Variants in OPRK1 observed in about 807,000 individuals in gnomAD.
The protein encoded by OPRK1 is opioid receptor kappa 1, also known as kappa-type opioid receptor.
OPRK1 carries 15 observed loss-of-function variants against 24.5 expected under a neutral mutation model. The observed-to-expected ratio is 0.61, with a 90% confidence interval of 0.41 to 0.94. OPRK1 has a LOEUF of 0.94. Among genes scored for constraint, OPRK1 ranks in the 40% least tolerant of loss-of-function variants. The pLI is 0.00. For missense variants in OPRK1, 479 were observed against 507.3 expected, an observed-to-expected ratio of 0.94 and a Z score of 0.54; for synonymous variants, 205 against 198.0, an observed-to-expected ratio of 1.04 and a Z score of -0.30.
intron 2 of OPRK1, among the ~76,000 whole-genome samples, chr8:53,246,722 A>C (rs1290461930): frequency 6.6e-6 from 1 of 152,178 alleles, no homozygotes; most frequent in African/African-American, 2.4e-5. Flanking sequence ...GTAGAGAAGC[A>C]GTGTTCCTGA....
chr8:53,242,207 G>A (rs1355673735), intron 2 of OPRK1, among the ~76,000 whole-genome samples: 6 of 152,184 alleles, frequency 3.9e-5, no homozygotes, highest in South Asian at 2.1e-4. Flanking sequence ...GCCCTCTTGC[G>A]CTGCCCTCTA....
chr8:53,228,319 C>T lies in OPRK1; in HGVS notation c.*978G>A, dbSNP rs1388363758. The T allele has an allele frequency of 1.3e-5, 2 of 152,198 alleles. No homozygotes were observed. Among genetic ancestry groups the T allele is most frequent in the Admixed American group, 1.3e-4 (2 of 15,278 alleles). The allele number at this position is 152,198 out of a possible 1,614,324, so 9.4% of individuals were successfully genotyped here. On this transcript the variant is annotated 3_prime_UTR_variant, in exon 4 of 4. Coordinates refer to ENST00000265572, the MANE Select transcript of OPRK1 (RefSeq NM_000912.5). Reference sequence around the variant, plus strand: ...GGAGCTAGTTAAAGCCTTTGTGATTCATTAGCACATGAGTTGTGAGCACTG... The same window carrying T: ...GGAGCTAGTTAAAGCCTTTGTGATTTATTAGCACATGAGTTGTGAGCACTG...
chr8:53,242,298 T>A (rs1355115441), intron 2 of OPRK1, among the ~76,000 whole-genome samples: 2 of 152,156 alleles, frequency 1.3e-5, no homozygotes, highest in African/African-American at 4.8e-5. Flanking sequence ...CTAAGCAAAC[T>A]GGGCTGTGAT....
intron 2 of OPRK1, among the ~76,000 whole-genome samples, chr8:53,250,463 C>G (rs1784194483): frequency 6.6e-6 from 1 of 152,186 alleles, no homozygotes; most frequent in Non-Finnish European, 1.5e-5. Flanking sequence ...GTTGTCAGCA[C>G]CCTGGCACCT....
intron 2 of OPRK1, chr8:53,238,416 G>T: frequency 2.1e-6 from 1 of 473,356 alleles, no homozygotes; most frequent in Non-Finnish European, 2.8e-6. Flanking sequence ...AAAGAGCAAA[G>T]TCCGTGGGCT....
At chr8:53,242,766 A>G in intron 2 of OPRK1, 5 of 1,151,802 alleles carry the variant, frequency 4.3e-6, no homozygotes, top group Non-Finnish European at 5.5e-6. Flanking sequence ...TCGGCCTCCC[A>G]AAGTGCTGGG....
intron 2 of OPRK1, among the ~76,000 whole-genome samples, chr8:53,245,160 T>C (rs1274876432): frequency 6.6e-6 from 1 of 152,222 alleles, no homozygotes; most frequent in South Asian, 2.1e-4. Flanking sequence ...CATGGTTGGT[T>C]GAATCCATGG....
chr8:53,247,776 A>T (rs1337437566), intron 2 of OPRK1, among the ~76,000 whole-genome samples: 3 of 152,026 alleles, frequency 2.0e-5, no homozygotes, highest in Admixed American at 6.6e-5. Flanking sequence ...CCGGCAGATC[A>T]CTTGAGATCA....
intron 2 of OPRK1, among the ~76,000 whole-genome samples, chr8:53,245,255 T>G (rs1807202881): frequency 6.6e-6 from 1 of 152,168 alleles, no homozygotes; most frequent in Non-Finnish European, 1.5e-5. Context: ...AATGAGGCCA[T>G]ATGGGTGGGC....
intron 2 of OPRK1, among the ~76,000 whole-genome samples, chr8:53,236,180 T>C (rs1393768463): frequency 6.6e-6 from 1 of 152,190 alleles, no homozygotes; most frequent in African/African-American, 2.4e-5. Context: ...ACAGAACAGC[T>C]CTTGCTCCTC....
In OPRK1 at chr8:53,235,019, G is replaced by A. The variant is rs527490946; in HGVS notation, c.350C>T (p.Thr117Met). The change falls in exon 3 of 4, where the codon ACG (threonine) becomes ATG (methionine). Residue 117 changes from threonine to methionine, a missense_variant. Physicochemically the swap from Thr to Met is moderately conservative, Grantham distance 81. Transcript: ENST00000265572. ...LVTTTMPFQS[T>M]VYLMNSWPFG... ...AGGCCAGGAATTCATCAAGTAGACC[G>A]TACTCTGAAAGGGCATGGTTGTAGT... 14 of 1,614,170 alleles carry A rather than the reference G, an allele frequency of 8.7e-6. No individual in the cohort carries two copies. Among genetic ancestry groups the A allele is most frequent in the South Asian group, 2.2e-5 (2 of 91,086 alleles).
At chr8:53,238,524 A>T (rs940096919) in intron 2 of OPRK1, 1 of 985,430 alleles carries the variant, frequency 1.0e-6, no homozygotes, top group African/African-American at 1.7e-5. Flanking sequence ...TTACCTGGGG[A>T]ACTTGAGTTG....
At chr8:53,242,674 T>C (rs988878340) in intron 2 of OPRK1, 2 of 375,622 alleles carry the variant, frequency 5.3e-6, no homozygotes, top group South Asian at 8.9e-5. Flanking sequence ...GCCCGGCTAA[T>C]TTTTTGTATT....
At chr8:53,250,102 A>C (rs77447388) in intron 2 of OPRK1, among the ~76,000 whole-genome samples, 2,010 of 144,730 alleles carry the variant, frequency 0.014, 45 homozygotes, top group African/African-American at 0.052. Context: ...CACACACACA[A>C]ATAAAACCTT....
At position 53,229,373 on chromosome 8, in the gene OPRK1, C is replaced by G; in HGVS notation, c.1067G>C (p.Ser356Thr). 6.2e-7 allele frequency: 1 copy of G among 1,614,214 alleles called. No individual in the cohort carries two copies. Among genetic ancestry groups the G allele is most frequent in the Non-Finnish European group, 8.5e-7 (1 of 1,180,046 alleles). The change falls in exon 4 of 4, where the codon AGC becomes ACC. Residue 356 changes from serine (S) to threonine (T), a missense_variant. Ser to Thr is a moderately conservative substitution (Grantham distance 58, BLOSUM62 1). Transcript: ENST00000265572. Reference sequence around the variant, plus strand: ...AACTGTATTTCGGACTCTGCTAGTGCTCTGCCGCTCCATCCTCATCTTCAG... The same window carrying G: ...AACTGTATTTCGGACTCTGCTAGTGGTCTGCCGCTCCATCCTCATCTTCAG... ...FPLKMRMERQ[S>T]TSRVRNTVQD...
chr8:53,241,286 C>A (rs1413014629), intron 2 of OPRK1, among the ~76,000 whole-genome samples: 1 of 152,150 alleles, frequency 6.6e-6, no homozygotes, highest in Non-Finnish European at 1.5e-5. Context: ...ATGAGTGTTT[C>A]ACTAAATTTT....
intron 3 of OPRK1, among the ~76,000 whole-genome samples, chr8:53,231,094 G>T (rs1024955369): frequency 2.6e-5 from 4 of 152,052 alleles, no homozygotes; most frequent in Admixed American, 1.3e-4. Context: ...TGAAATACCA[G>T]ATGAAACCTT....
At position 53,240,142 on chromosome 8, in the gene OPRK1, A is replaced by G. The variant is rs74439087; in HGVS notation, c.258-5031T>C. ...ATACTACCCCTCAATGGACAAAACA[A>G]TGTCATGTACATTGTGGAATTTTTC... On this transcript the variant is annotated intron_variant, in intron 2 of 3. Coordinates refer to ENST00000265572, the MANE Select transcript of OPRK1 (RefSeq NM_000912.5). Among the ~76,000 whole-genome samples, 965 of 152,292 alleles carry G rather than the reference A, an allele frequency of 6.3e-3. 8 individuals carry two copies. Among genetic ancestry groups the G allele is most frequent in the African/African-American group, 0.022 (901 of 41,552 alleles).
At chr8:53,231,089 T>A (rs1189359384) in intron 3 of OPRK1, among the ~76,000 whole-genome samples, 2 of 152,146 alleles carry the variant, frequency 1.3e-5, no homozygotes, top group Non-Finnish European at 2.9e-5. Context: ...ATCAATGAAA[T>A]ACCAGATGAA....
Sources: gnomAD v4.1 joint callset for allele counts (sites outside exome capture counted in the v4.1 genomes callset) on GRCh38, gnomAD v4.1.1 for gene constraint, MANE v1.5 for transcripts, NCBI Gene and HGNC (gene_info 2026-07-23, HGNC 2026-07-21) for gene names.